RPS18: variants seen among roughly 807,000 people sequenced by gnomAD.
RPS18 encodes ribosomal protein S18.
For synonymous variants in RPS18, 64 were observed against 70.9 expected (o/e 0.90, Z 0.49); for missense variants, 49 against 200.8 (o/e 0.24, Z 4.57).
intron 2 of RPS18, among the ~76,000 whole-genome samples, chr6:33,273,710 A>G (rs2150877283): frequency 6.6e-6 from 1 of 152,370 alleles, no homozygotes; most frequent in East Asian, 1.9e-4. Flanking sequence ...TCTAACTAAA[A>G]ATTAGAAATC....
chr6:33,274,721 C>T (rs191470917), intron 2 of RPS18, among the ~76,000 whole-genome samples: 2 of 152,138 alleles, frequency 1.3e-5, no homozygotes, highest in Admixed American at 1.3e-4. Flanking sequence ...GTGTCTCTCT[C>T]ATGATTTGTC....
Position 33,272,098 on chromosome 6 carries a change from C to G in RPS18, c.-22C>G. 5 of 1,566,222 alleles carry G rather than the reference C, an allele frequency of 3.2e-6. No homozygotes were observed. Among genetic ancestry groups the G allele is most frequent in the East Asian group, 2.4e-5 (1 of 42,294 alleles). ...CTCTCTCTTCCACAGGAGGCCTACA[C>G]GCCGCCGCTTGTGCTGCAGCCATGG... On this transcript the variant is annotated 5_prime_UTR_variant, in exon 1 of 6. Transcript: ENST00000439602.
At chr6:33,274,014 A>G (rs983156372) in intron 2 of RPS18, among the ~76,000 whole-genome samples, 8 of 152,302 alleles carry the variant, frequency 5.3e-5, no homozygotes, top group Non-Finnish European at 7.4e-5. Context: ...CCGGAGTGCA[A>G]TGGTGCAATC....
chr6:33,272,373 C>G, intron 1 of RPS18: 1 of 606,682 alleles, frequency 1.6e-6, no homozygotes. Context: ...TTTTGCCACG[C>G]ACTTTTGGGA....
At chr6:33,272,219 G>A in intron 1 of RPS18, 97 bp downstream of exon 1, 1 of 1,355,244 alleles carries the variant, frequency 7.4e-7, no homozygotes, top group Non-Finnish European at 1.0e-6. Flanking sequence ...CTGAGGGCCT[G>A]CGACTTTCTG....
At chr6:33,275,052 G>T (rs1765531196) in intron 2 of RPS18, among the ~76,000 whole-genome samples, 1 of 152,148 alleles carries the variant, frequency 6.6e-6, no homozygotes, top group South Asian at 2.1e-4. Context: ...GGGATACAGT[G>T]ATTTGCCTAA....
At chr6:33,275,705 A>C (rs1034142064) in intron 2 of RPS18, 92 bp from the exon 3 acceptor site, 6 of 854,618 alleles carry the variant, frequency 7.0e-6, no homozygotes, top group Non-Finnish European at 1.2e-5. Context: ...AGATTATTGC[A>C]GATCCTACCT....
chr6:33,272,151 G>C, intron 1 of RPS18, 29 bp downstream of exon 1: 2 of 1,557,560 alleles, frequency 1.3e-6, no homozygotes, highest in South Asian at 2.4e-5. Flanking sequence ...CCGTGATCCA[G>C]CGGCATCGCA....
chr6:33,274,213 C>T (rs938559467), intron 2 of RPS18, among the ~76,000 whole-genome samples: 3 of 152,160 alleles, frequency 2.0e-5, no homozygotes, highest in African/African-American at 4.8e-5. Flanking sequence ...CCACTGCACC[C>T]AGCCACATTT....
intron 1 of RPS18, 178 bp from the exon 2 acceptor site, chr6:33,272,450 C>T (rs950280262): frequency 1.6e-6 from 1 of 642,236 alleles, no homozygotes; most frequent in Non-Finnish European, 2.8e-6. Context: ...CTTCATGTGC[C>T]TACTCTGCAG....
intron 2 of RPS18, chr6:33,275,426 C>G (rs1183714157): frequency 4.0e-6 from 1 of 252,290 alleles, no homozygotes; most frequent in Admixed American, 5.1e-5. Flanking sequence ...TCAAGCTATT[C>G]TGCTGCAGCC....
At chr6:33,275,737 CTATAAAGGAA>C in intron 2 of RPS18, 50 bp from the exon 3 acceptor site, 1 of 1,080,660 alleles carries the variant, frequency 9.3e-7, no homozygotes, top group Non-Finnish European at 1.4e-6. Flanking sequence ...TTGAATGAGG[CTATAAAGGAA>C]TTTAAAAATC....
chr6:33,272,939 A>C (rs1027562865), intron 2 of RPS18, among the ~76,000 whole-genome samples: 5 of 152,252 alleles, frequency 3.3e-5, no homozygotes, highest in African/African-American at 9.6e-5. Flanking sequence ...GTCTAAGGTC[A>C]AGCCAAAACA....
intron 2 of RPS18, chr6:33,275,511 T>C (rs1294217976): frequency 2.4e-6 from 1 of 416,340 alleles, no homozygotes; most frequent in Non-Finnish European, 4.4e-6. Flanking sequence ...AGAGACAGGG[T>C]TTCACCATGT....
intron 2 of RPS18, among the ~76,000 whole-genome samples, chr6:33,274,006 G>A (rs976627309): frequency 2.6e-5 from 4 of 152,208 alleles, no homozygotes; most frequent in African/African-American, 7.2e-5. Flanking sequence ...CACCCAGGCC[G>A]GAGTGCAATG....
At chr6:33,272,933 A>G (rs966376498) in intron 2 of RPS18, among the ~76,000 whole-genome samples, 2 of 152,222 alleles carry the variant, frequency 1.3e-5, no homozygotes, top group Admixed American at 6.5e-5. Context: ...ATAGTGGTCT[A>G]AGGTCAAGCC....
chr6:33,275,406 C>T (rs1216419460), intron 2 of RPS18: 1 of 207,512 alleles, frequency 4.8e-6, no homozygotes, highest in Admixed American at 5.4e-5. Context: ...GCAACCTCCA[C>T]CTCCTAGGTT....
rs757237841 is a variant in RPS18, at chr6:33,276,098, A to AAG, written c.291+33_291+34dup. The AAG allele has an allele frequency of 1.3e-4, 205 of 1,606,726 alleles. 2 individuals are homozygous for AAG. In the Middle Eastern group the frequency reaches 3.6e-3, roughly 28 times the overall value. ...ACTGAAATGAGGGCAGGATTAGAGG[A>AAG]AGGGTGGAGGGTCCTAACAGAATTG... On this transcript the variant is annotated intron_variant, in intron 4 of 5. Coordinates refer to ENST00000439602, the MANE Select transcript of RPS18 (RefSeq NM_022551.3).
At chr6:33,276,326 T>G (rs1412924388) in intron 5 of RPS18, 59 bp downstream of exon 5, 1 of 1,607,156 alleles carries the variant, frequency 6.2e-7, no homozygotes, top group Non-Finnish European at 8.5e-7. Flanking sequence ...CTACTCGCTC[T>G]TCTTTTTCCC....
Sources: gnomAD v4.1 joint callset for allele counts (sites outside exome capture counted in the v4.1 genomes callset) on GRCh38, gnomAD v4.1.1 for gene constraint, MANE v1.5 for transcripts, NCBI Gene and HGNC (gene_info 2026-07-23, HGNC 2026-07-21) for gene names.